LGALS4: variants seen among roughly 807,000 people sequenced by gnomAD.
LGALS4 encodes the protein galectin 4.
A neutral mutation model predicts 39.6 loss-of-function variants in LGALS4; 37 were observed. The ratio of observed to expected loss-of-function variants is 0.93; its 90% CI spans 0.72 to 1.23. LGALS4 has a LOEUF of 1.23. Among genes scored for constraint, LGALS4 ranks in the 50% most tolerant of loss-of-function variants. LGALS4 has a pLI of 0.00. For synonymous variants in LGALS4, 160 were observed against 165.5 expected (o/e 0.97, Z 0.25); for missense variants, 397 against 433.2 (o/e 0.92, Z 0.74).
rs548929360 is a variant in LGALS4, at chr19:38,804,047, A to G, written c.475-152T>C. The G allele has an allele frequency of 1.7e-5, 15 of 865,156 alleles. No individual in the cohort carries two copies. In the African/African-American group the frequency reaches 2.0e-4, roughly 12 times the overall value. 53.6% of individuals were successfully genotyped at this position (865,156 alleles called of 1,614,324 possible). On this transcript the variant is annotated intron_variant, in intron 4 of 9. Coordinates refer to ENST00000307751, the MANE Select transcript of LGALS4 (RefSeq NM_006149.4). The stretch of plus-strand genomic sequence containing the variant: ...AGGGTGGCACCCCGATCACAGATTC[A>G]CGGAGAGGGGCACCCCATGTTCTGG...
At chr19:38,806,347 G>A (rs568283875) in intron 4 of LGALS4, 114 bp downstream of exon 4, 7 of 1,220,642 alleles carry the variant, frequency 5.7e-6, no homozygotes, top group South Asian at 3.0e-5. Context: ...CAACCTGGGC[G>A]ACAGAGTGAG....
chr19:38,802,102 G>A lies in LGALS4; in HGVS notation c.715C>T (p.Pro239Ser). The A allele has an allele frequency of 1.9e-6, 3 of 1,614,212 alleles. No individual in the cohort carries two copies. The highest frequency in any genetic ancestry group is 2.5e-6 in the Non-Finnish European group (3 of 1,180,032). ...SSGDIALHIN[P>S]RMGNGTVVRN... ...ACCACGGTACCGTTGCCCATGCGGG[G>A]ATTAATGTGCAGAGCTATGTCCCCT... Residue 239 changes from proline (P) to serine (S), a missense_variant, in exon 9 of 10, where the codon CCC becomes TCC. Physicochemically the swap from Pro to Ser is moderately conservative, Grantham distance 74. Transcript: ENST00000307751.
chr19:38,808,924 C>T lies in LGALS4; in HGVS notation c.159G>A (p.Gly53=), dbSNP rs758002499. The change falls in exon 3 of 10, where the codon GGG becomes GGA. Residue 53 remains glycine, a synonymous_variant. Transcript: ENST00000307751. ...AGGCGACGTCTGAGCCCGGATCCTG[C>T]CCAACCACAAAGTTCACGAAGAACC... ...MKRFFVNFVV[G]QDPGSDVAFH... The T allele has an allele frequency of 6.2e-7, 1 of 1,612,968 alleles. No individual in the cohort carries two copies. Among genetic ancestry groups the T allele is most frequent in the South Asian group, 1.1e-5 (1 of 90,946 alleles).
Position 38,812,869 on chromosome 19 carries a change from T to C in LGALS4, c.18A>G (p.Ala6=). MAYVP[A]PGYQPTYNPT... ...GGTTGTAGGTGGGCTGGTAGCCCGG[T>C]GCGGGGACATAGGCCATCGCTCGAG... Residue 6 remains alanine (A), a synonymous_variant, in exon 1 of 10, where the codon GCA becomes GCG. Coordinates refer to ENST00000307751, the MANE Select transcript of LGALS4 (RefSeq NM_006149.4). 1 of 1,611,916 alleles carries C rather than the reference T, an allele frequency of 6.2e-7. No homozygotes were observed. The highest frequency in any genetic ancestry group is 8.5e-7 in the Non-Finnish European group (1 of 1,179,970).
chr19:38,809,432 G>A (rs570747861), intron 2 of LGALS4, among the ~76,000 whole-genome samples: 2 of 151,618 alleles, frequency 1.3e-5, no homozygotes, highest in African/African-American at 2.4e-5. Flanking sequence ...CACCTGCCTC[G>A]GCTTCCCAAA....
chr19:38,812,144 G>T (rs984720109), intron 2 of LGALS4, among the ~76,000 whole-genome samples: 1 of 152,186 alleles, frequency 6.6e-6, no homozygotes, highest in Non-Finnish European at 1.5e-5. Flanking sequence ...TTAACTCGGG[G>T]ACCCGGCTCT....
intron 2 of LGALS4, among the ~76,000 whole-genome samples, chr19:38,809,324 C>A (rs1026166545): frequency 6.7e-6 from 1 of 149,734 alleles, no homozygotes; most frequent in Non-Finnish European, 1.5e-5. Context: ...GGATTACAGG[C>A]GTGCACCACC....
At chr19:38,803,205 G>C (rs1971381554) in intron 7 of LGALS4, 1 of 373,908 alleles carries the variant, frequency 2.7e-6, no homozygotes, top group Non-Finnish European at 4.9e-6. Flanking sequence ...AGTAGAGACA[G>C]AGTTTCACTA....
At chr19:38,806,343 G>C in intron 4 of LGALS4, 118 bp downstream of exon 4, 1 of 1,186,102 alleles carries the variant, frequency 8.4e-7, no homozygotes, top group Non-Finnish European at 1.2e-6. Flanking sequence ...ACTCCAACCT[G>C]GGCGACAGAG....
chr19:38,812,335 A>T, intron 2 of LGALS4, 96 bp downstream of exon 2: 1 of 1,013,986 alleles, frequency 9.9e-7, no homozygotes, highest in Non-Finnish European at 1.5e-6. Flanking sequence ...CCTCTCCACC[A>T]GGGTGGGGTA....
chr19:38,802,607 A>T (rs1971370352), intron 7 of LGALS4, among the ~76,000 whole-genome samples: 1 of 151,274 alleles, frequency 6.6e-6, no homozygotes, highest in African/African-American at 2.4e-5. Context: ...CAATCCTCCC[A>T]TCTCAGCCTC....
At chr19:38,808,701 C>T in intron 3 of LGALS4, 43 bp downstream of exon 3, 1 of 1,491,314 alleles carries the variant, frequency 6.7e-7, no homozygotes, top group Non-Finnish European at 9.3e-7. Flanking sequence ...AAGATGGCGC[C>T]ACTGCACTCC....
intron 7 of LGALS4, among the ~76,000 whole-genome samples, chr19:38,802,854 T>G (rs980673792): frequency 1.3e-4 from 19 of 151,798 alleles, no homozygotes; most frequent in Admixed American, 6.6e-4. Context: ...ACTTTTGTCA[T>G]TTTAGTAGAG....
At position 38,806,677 on chromosome 19, in the gene LGALS4, T is replaced by C. The variant is rs1971425919; in HGVS notation, c.340-82A>G. The C allele has an allele frequency of 1.5e-5, 23 of 1,492,774 alleles. No homozygotes were observed. The South Asian group carries it at 2.1e-4, about 14-fold the overall frequency. The allele number at this position is 1,492,774 out of a possible 1,614,324, so 92.5% of individuals were successfully genotyped here. The stretch of plus-strand genomic sequence containing the variant: ...AACAGGAAGCAAGGGCAGGGCACCC[T>C]GGCTCACGCCTCTAATCCCAGCACT... On this transcript the variant is annotated intron_variant, in intron 3 of 9. Transcript: ENST00000307751.
intron 2 of LGALS4, among the ~76,000 whole-genome samples, chr19:38,809,928 C>T (rs920324028): frequency 3.3e-5 from 5 of 152,090 alleles, no homozygotes; most frequent in Non-Finnish European, 7.4e-5. Flanking sequence ...GATCATTTCC[C>T]TCATGCAGCC....
chr19:38,804,944 T>A (rs2403782), intron 4 of LGALS4, among the ~76,000 whole-genome samples: 1,607 of 151,724 alleles, frequency 0.011, 21 homozygotes, highest in African/African-American at 0.037. Context: ...TCACCTGAGG[T>A]CAGGAGTTCA....
Position 38,808,885 on chromosome 19 carries a change from C to T in LGALS4, c.198G>A (p.Pro66=), listed in dbSNP as rs141345358. ...PGSDVAFHFN[P]RFDGWDKVVF... is the part of the protein sequence containing the mutation. ...CCACCTTGTCCCAGCCGTCAAACCG[C>T]GGATTGAAGTGGAAGGCGACGTCTG... Residue 66 remains proline (P), a synonymous_variant, in exon 3 of 10, where the codon CCG becomes CCA. Transcript: ENST00000307751. The T allele has an allele frequency of 1.1e-4, 174 of 1,614,024 alleles. No homozygotes were observed. The highest frequency in any genetic ancestry group is 1.4e-4 in the Non-Finnish European group (161 of 1,180,036).
chr19:38,808,651 AG>A, intron 3 of LGALS4, 92 bp downstream of exon 3: 1 of 999,710 alleles, frequency 1.0e-6, no homozygotes. Flanking sequence ...AAAGAAAGAA[AG>A]AAAGAAAAGG....
Position 38,808,767 on chromosome 19 carries a change from T to C in LGALS4, c.316A>G (p.Ile106Val), listed in dbSNP as rs1172367533. 4 of 1,614,116 alleles carry C rather than the reference T, an allele frequency of 2.5e-6. No homozygotes were observed. Among genetic ancestry groups the C allele is most frequent in the Non-Finnish European group, 3.4e-6 (4 of 1,180,024 alleles). Residue 106 changes from isoleucine to valine, a missense_variant, in exon 3 of 10, where the codon ATA (isoleucine) becomes GTA (valine). Transcript: ENST00000307751. ...KKGAAFELVFIVLAEHYKVVV... is the reference protein window; with the variant it reads ...KKGAAFELVFVVLAEHYKVVV... The stretch of plus-strand genomic sequence containing the variant: ...ACCTTGTAGTGCTCAGCCAGGACTA[T>C]GAAGACCAGCTCAAAGGCGGCACCC...
Sources: allele counts gnomAD v4.1 joint callset (sites outside exome capture counted in the v4.1 genomes callset), GRCh38; gene constraint gnomAD v4.1.1; transcripts MANE v1.5; gene names NCBI Gene and HGNC (gene_info 2026-07-23, HGNC 2026-07-21).